The following ZNF346 variants were observed in gnomAD, a reference collection of about 807,000 sequenced individuals.
The protein encoded by ZNF346 is zinc finger protein 346.
ZNF346 carries 23 observed loss-of-function variants against 33.7 expected under a neutral mutation model. That is an observed-to-expected ratio of 0.68 (90% CI 0.49 to 0.97). The LOEUF (loss-of-function observed/expected upper bound fraction) is 0.97, where lower values mean the gene tolerates loss of function less well. Ranked by LOEUF, ZNF346 falls within the 50% of genes least tolerant of loss-of-function variation. ZNF346 has a pLI of 0.00. For synonymous variants in ZNF346, 134 were observed against 142.4 expected, an observed-to-expected ratio of 0.94 and a Z score of 0.42; for missense variants, 340 against 371.1, an observed-to-expected ratio of 0.92 and a Z score of 0.69.
chr5:177,077,788 G>A lies in ZNF346; in HGVS notation c.*3-1594G>A, dbSNP rs764598365. Among the ~76,000 whole-genome samples, 8 of 152,282 alleles carry A rather than the reference G, an allele frequency of 5.3e-5. No individual in the cohort carries two copies. Among genetic ancestry groups the A allele is most frequent in the Non-Finnish European group, 8.8e-5 (6 of 68,032 alleles). ...GACATCAAGAAAAGTTTGAGGGGTCGTTACCAGAGAGAGGAAAAGGGTTTT... is the reference window on the plus strand; with the variant it reads ...GACATCAAGAAAAGTTTGAGGGGTCATTACCAGAGAGAGGAAAAGGGTTTT... On this transcript the variant is annotated intron_variant, in intron 8 of 8. Coordinates refer to the ZNF346 transcript ENST00000503039. The surrounding 1 kb of genome is among the most constrained non-coding windows in gnomAD (Gnocchi z 5.0).
At chr5:177,072,709 C>G (rs559992997), downstream of ZNF346, among the ~76,000 whole-genome samples, 2 of 152,060 alleles carry the variant, frequency 1.3e-5, no homozygotes, top group African/African-American at 4.8e-5. Context: ...ATTAGTCAGG[C>G]GTGGTGGCGC....
chr5:177,054,107 T>A (rs1313955536), intron 5 of ZNF346, among the ~76,000 whole-genome samples: 2 of 151,540 alleles, frequency 1.3e-5, no homozygotes, highest in African/African-American at 2.4e-5. Flanking sequence ...TAGGGTCTTC[T>A]CTGTCACACA....
intron 1 of ZNF346, among the ~76,000 whole-genome samples, chr5:177,027,519 A>G (rs1471882826): frequency 1.3e-5 from 2 of 150,288 alleles, no homozygotes; most frequent in Admixed American, 6.6e-5. Flanking sequence ...CCAGGAGGCT[A>G]AGGTTGCAGT....
chr5:177,078,123 G>A (rs768540185), intron 8 of ZNF346, among the ~76,000 whole-genome samples: 10 of 152,076 alleles, frequency 6.6e-5, no homozygotes, highest in Non-Finnish European at 1.3e-4. Flanking sequence ...CTCCAGCCTG[G>A]GCAACAGAGC....
chr5:177,056,413 A>G (rs1397719701), intron 5 of ZNF346, among the ~76,000 whole-genome samples: 1 of 152,168 alleles, frequency 6.6e-6, no homozygotes, highest in East Asian at 1.9e-4. Context: ...CAGCCATCCC[A>G]TTACTGGGTA....
In ZNF346 at chr5:177,030,916, TTTTTTTTTTTGG is replaced by T. The variant is rs1409925575; in HGVS notation, c.175+8013_175+8024del. Among the ~76,000 whole-genome samples the T allele has an allele frequency of 6.5e-3, 983 of 151,114 alleles. 4 individuals are homozygous for T. The highest frequency in any genetic ancestry group is 9.8e-3 in the Non-Finnish European group (666 of 67,674). On this transcript the variant is annotated intron_variant, in intron 1 of 6. Coordinates refer to ENST00000358149, the MANE Select transcript of ZNF346 (RefSeq NM_012279.4). ...CTTTCGCTTAGTGTAATTTTTTTTT[TTTTTTTTTTTGG>T]TTTTTTTTTGAGACGACATTTTGCT...
At chr5:177,032,757 A>G (rs918477146) in intron 1 of ZNF346, among the ~76,000 whole-genome samples, 2 of 152,092 alleles carry the variant, frequency 1.3e-5, no homozygotes, top group African/African-American at 2.4e-5. Context: ...TCTTGAGACC[A>G]TCAGCAGTAT....
At chr5:177,036,113 C>T (rs531796803) in intron 1 of ZNF346, among the ~76,000 whole-genome samples, 1 of 152,158 alleles carries the variant, frequency 6.6e-6, no homozygotes, top group African/African-American at 2.4e-5. Context: ...CAAGTTGAAA[C>T]AGCAGGGAAA....
intron 1 of ZNF346, chr5:177,023,169 T>G: frequency 6.5e-7 from 1 of 1,536,146 alleles, no homozygotes; most frequent in Non-Finnish European, 8.7e-7. Flanking sequence ...GCGCAGTTTT[T>G]CCCACATTCG....
Position 177,039,951 on chromosome 5 carries a change from T to C in ZNF346, c.176-1175T>C, listed in dbSNP as rs538736414. Among the ~76,000 whole-genome samples the C allele has an allele frequency of 7.2e-5, 11 of 152,034 alleles. No homozygotes were observed. In the East Asian group the frequency reaches 2.1e-3, roughly 30 times the overall value. ...ATCCCAGCACTTTGGAAGGCCAAGG[T>C]GGGTGGATCACGAGGTCAGGAGATC... On this transcript the variant is annotated intron_variant, in intron 1 of 6. Transcript: ENST00000358149.
chr5:177,073,202 T>C (rs1235888611), intron 8 of ZNF346, among the ~76,000 whole-genome samples: 1 of 152,266 alleles, frequency 6.6e-6, no homozygotes. Flanking sequence ...ACTGTGCTTA[T>C]GTTTTAATAA....
intron 1 of ZNF346, among the ~76,000 whole-genome samples, chr5:177,030,069 A>G (rs866397826): frequency 1.3e-5 from 2 of 152,198 alleles, no homozygotes; most frequent in African/African-American, 4.8e-5. Flanking sequence ...CTGTATTGTA[A>G]AAGTAAAGTA....
intron 1 of ZNF346, among the ~76,000 whole-genome samples, chr5:177,036,805 A>G (rs1032771658): frequency 3.9e-5 from 6 of 152,128 alleles, no homozygotes; most frequent in African/African-American, 1.4e-4. Flanking sequence ...CCTTCTTGCC[A>G]GAGTTTCTAC....
chr5:177,052,533 A>C (rs1781099216), intron 5 of ZNF346: 2 of 152,098 alleles, frequency 1.3e-5, no homozygotes, highest in African/African-American at 4.8e-5. Context: ...ACCTGTCTGC[A>C]AGCCAGATTT....
At chr5:177,027,670 A>T (rs559597246) in intron 1 of ZNF346, among the ~76,000 whole-genome samples, 38 of 140,070 alleles carry the variant, frequency 2.7e-4, no homozygotes, top group South Asian at 1.6e-3. Flanking sequence ...TTTTTTTTTT[A>T]AATTCTCTAT....
At chr5:177,023,231 C>G in intron 1 of ZNF346, 1 of 1,535,522 alleles carries the variant, frequency 6.5e-7, no homozygotes, top group Non-Finnish European at 8.7e-7. Context: ...TCTTTGCCAT[C>G]CCGGTAAGCC....
At chr5:177,042,799 C>T (rs1413546256) in intron 3 of ZNF346, among the ~76,000 whole-genome samples, 2 of 151,998 alleles carry the variant, frequency 1.3e-5, no homozygotes, top group Non-Finnish European at 2.9e-5. Context: ...GGTGCAGTCA[C>T]GGCTCACTGC....
At chr5:177,023,440 C>T (rs921265404) in intron 1 of ZNF346, among the ~76,000 whole-genome samples, 3 of 152,162 alleles carry the variant, frequency 2.0e-5, no homozygotes, top group Non-Finnish European at 2.9e-5. Context: ...CCTCTACTTG[C>T]TGGGTCCCTT....
At chr5:177,023,210 G>A (rs1308724447) in intron 1 of ZNF346, 1 of 1,536,570 alleles carries the variant, frequency 6.5e-7, no homozygotes, top group Non-Finnish European at 8.7e-7. Context: ...CGTCCTGTCG[G>A]AGACCTACAG....
Sources: gnomAD v4.1 joint callset for allele counts (sites outside exome capture counted in the v4.1 genomes callset) on GRCh38, gnomAD v4.1.1 for gene constraint, Gnocchi (gnomAD v3.1) non-coding constraint, MANE v1.5 for transcripts, NCBI Gene and HGNC (gene_info 2026-07-23, HGNC 2026-07-21) for gene names.